NAA16: variants seen among roughly 807,000 people sequenced by gnomAD.
The protein encoded by NAA16 is NARG1-like protein.
Under a neutral mutation model 110.3 loss-of-function variants are expected in NAA16, and 97 were observed. The observed-to-expected ratio is 0.88, with a 90% CI of 0.75 to 1.04. The LOEUF (loss-of-function observed/expected upper bound fraction) is 1.04. Ranked by LOEUF, NAA16 falls within the 50% of genes least tolerant of loss-of-function variation. The probability of loss-of-function intolerance (pLI) is 0.00; values close to 1 mark genes in which losing one functional copy is unlikely to be tolerated. For missense variants in NAA16, 1,017 were observed against 1,005.1 expected (o/e 1.01, Z -0.16); for synonymous variants, 372 against 330.6 (o/e 1.13, Z -1.36).
rs540414285 is a variant in NAA16 at position 41,348,879 on chromosome 13, C to A, written c.1015-6265C>A. Among the ~76,000 whole-genome samples the A allele has an allele frequency of 3.3e-5, 5 of 152,186 alleles. No homozygotes were observed. The South Asian group carries it at 8.3e-4, about 25-fold the overall frequency. ...TCTTCTTGACTGGCTTTTGGAAATT[C>A]ATGGTTTTAGATATTTGTCTATTTC... On this transcript the variant is annotated intron_variant, in intron 9 of 19. Coordinates refer to ENST00000379406, the MANE Select transcript of NAA16 (RefSeq NM_024561.5).
chr13:41,361,155 A>C (rs898898183), intron 12 of NAA16, among the ~76,000 whole-genome samples: 3 of 152,216 alleles, frequency 2.0e-5, no homozygotes, highest in Non-Finnish European at 4.4e-5. Context: ...TGCACTTAAA[A>C]TTCGTTAATT....
chr13:41,358,587 A>G, intron 11 of NAA16, 114 bp downstream of exon 11: 2 of 1,488,672 alleles, frequency 1.3e-6, no homozygotes, highest in Non-Finnish European at 1.8e-6. Flanking sequence ...TCTTTTTCTA[A>G]TAATCCTGTG....
chr13:41,329,190 A>C (rs1405905426), intron 7 of NAA16, among the ~76,000 whole-genome samples: 1 of 152,076 alleles, frequency 6.6e-6, no homozygotes, highest in Admixed American at 6.6e-5. Flanking sequence ...GTAACTATTT[A>C]ATATTTTAAA....
At chr13:41,361,928 G>A in intron 12 of NAA16, 103 bp from the exon 13 acceptor site, 1 of 1,247,630 alleles carries the variant, frequency 8.0e-7, no homozygotes, top group Non-Finnish European at 1.1e-6. Context: ...GCTAATTGCT[G>A]CTATTGTCAT....
chr13:41,373,978 A>C, intron 18 of NAA16, 198 bp downstream of exon 18: 1 of 793,744 alleles, frequency 1.3e-6, no homozygotes, highest in Non-Finnish European at 1.7e-6. Context: ...ATTTAAAGTG[A>C]TGTTTATTCA....
intron 19 of NAA16, 22 bp from the exon 20 acceptor site, chr13:41,375,383 T>C (rs1356423422): frequency 1.3e-6 from 2 of 1,558,886 alleles, no homozygotes; most frequent in South Asian, 2.3e-5. Context: ...AAATAATTTG[T>C]GTTTTCCTTT....
intron 7 of NAA16, among the ~76,000 whole-genome samples, chr13:41,329,590 G>A (rs906404768): frequency 6.7e-6 from 1 of 150,188 alleles, no homozygotes; most frequent in Non-Finnish European, 1.5e-5. Flanking sequence ...AGTAGTATAA[G>A]CTACAAGAAA....
Position 41,374,804 on chromosome 13 carries a change from A to G in NAA16, c.2362A>G (p.Arg788Gly). 1 of 1,611,972 alleles carries G rather than the reference A, an allele frequency of 6.2e-7. No individual in the cohort carries two copies. ...GGAGAAAGCAATTGCTATAGCCACT[A>G]GACTAGATGAAACTATAAAAGATAA... Reference protein sequence around the residue: ...RQEKAIAIATRLDETIKDKDV... With the variant: ...RQEKAIAIATGLDETIKDKDV... The change falls in exon 19 of 20, where the codon AGA becomes GGA. Residue 788 changes from arginine (R) to glycine (G), a missense_variant. By Grantham distance (125) the Arg-to-Gly change is moderately radical. Transcript: ENST00000379406.
At chr13:41,336,834 C>T (rs1382684148) in intron 9 of NAA16, 78 bp downstream of exon 9, 1 of 763,996 alleles carries the variant, frequency 1.3e-6, no homozygotes, top group Non-Finnish European at 2.1e-6. Flanking sequence ...AAATAATGTG[C>T]TATTACTTAA....
At chr13:41,311,979 G>GTTTGT (rs1166640239) in intron 1 of NAA16, among the ~76,000 whole-genome samples, 1 of 152,218 alleles carries the variant, frequency 6.6e-6, no homozygotes, top group Non-Finnish European at 1.5e-5. Context: ...TCGGCTAGGT[G>GTTTGT]TTTTGCGTTC....
chr13:41,344,659 G>A (rs1330277155), intron 9 of NAA16, among the ~76,000 whole-genome samples: 1 of 152,182 alleles, frequency 6.6e-6, no homozygotes, highest in African/African-American at 2.4e-5. Flanking sequence ...ATGCATTGTA[G>A]GATGTTTAGC....
Position 41,372,185 on chromosome 13 carries a change from C to A in NAA16, c.1948-18C>A. The stretch of plus-strand genomic sequence containing the variant: ...TTCTGATGTTTTTTAAATAATTTTC[C>A]TTTCTGTTTCAAAATAGGTAGAAAA... On this transcript the variant is annotated intron_variant, in intron 15 of 19. Transcript: ENST00000379406. 6.7e-7 allele frequency: 1 copy of A among 1,487,850 alleles called. No individual in the cohort carries two copies. The highest frequency in any genetic ancestry group is 9.0e-7 in the Non-Finnish European group (1 of 1,106,616). 92.2% of individuals were successfully genotyped at this position (1,487,850 alleles called of 1,614,324 possible).
intron 1 of NAA16, among the ~76,000 whole-genome samples, chr13:41,314,417 A>C (rs2139359563): frequency 6.6e-6 from 1 of 152,240 alleles, no homozygotes; most frequent in South Asian, 2.1e-4. Flanking sequence ...TTATTTTAAA[A>C]TATTTTTGGA....
At chr13:41,316,619 T>C (rs2041818294) in intron 1 of NAA16, among the ~76,000 whole-genome samples, 1 of 152,152 alleles carries the variant, frequency 6.6e-6, no homozygotes, top group Non-Finnish European at 1.5e-5. Flanking sequence ...TTCCTGTTTT[T>C]TAAATGTCTT....
intron 5 of NAA16, among the ~76,000 whole-genome samples, chr13:41,324,791 A>C (rs1028389984): frequency 6.6e-6 from 1 of 151,146 alleles, no homozygotes; most frequent in Non-Finnish European, 1.5e-5. Context: ...TACGACTAGG[A>C]CTTGAACTCC....
chr13:41,340,431 A>T (rs2042505901), intron 9 of NAA16, among the ~76,000 whole-genome samples: 1 of 151,786 alleles, frequency 6.6e-6, no homozygotes. Context: ...TAAGGTGTCG[A>T]TTTTAGATCT....
intron 9 of NAA16, among the ~76,000 whole-genome samples, chr13:41,340,388 C>T (rs1208942545): frequency 6.6e-6 from 1 of 151,990 alleles, no homozygotes; most frequent in Admixed American, 6.6e-5. Flanking sequence ...AATTTGTTTG[C>T]CCTTGCTTCT....
chr13:41,325,937 G>A, intron 6 of NAA16, 86 bp downstream of exon 6: 4 of 1,074,594 alleles, frequency 3.7e-6, no homozygotes, highest in Non-Finnish European at 5.2e-6. Flanking sequence ...TTACGTAACA[G>A]TTGTTATGTA....
At chr13:41,373,266 G>GT (rs564421063) in intron 17 of NAA16, 56,326 of 591,502 alleles carry the variant, frequency 0.095, 38 homozygotes, top group Non-Finnish European at 0.1. Flanking sequence ...TGTGTTTTTT[G>GT]TTTTTTTTTT....
Sources: allele counts gnomAD v4.1 joint callset (sites outside exome capture counted in the v4.1 genomes callset), GRCh38; gene constraint gnomAD v4.1.1; transcripts MANE v1.5; gene names NCBI Gene and HGNC (gene_info 2026-07-23, HGNC 2026-07-21).